Variants in CSMD3 observed in about 807,000 individuals in gnomAD.
CSMD3 encodes the protein CUB and sushi domain-containing protein 3.
Under a neutral mutation model 435.2 loss-of-function variants are expected in CSMD3, and 177 were observed. The observed-to-expected ratio is 0.41, with a 90% CI of 0.36 to 0.46. The LOEUF (loss-of-function observed/expected upper bound fraction) is 0.46, where lower values mean the gene tolerates loss of function less well. Among genes scored for constraint, CSMD3 ranks in the 20% least tolerant of loss-of-function variants. CSMD3 has a pLI of 0.34. For synonymous variants in CSMD3, 1,656 were observed against 1,520.5 expected (o/e 1.09, Z -2.07); for missense variants, 4,265 against 4,504.6 (o/e 0.95, Z 1.52).
At position 112,410,624 on chromosome 8, in the gene CSMD3, ATGTG is replaced by A. The variant is rs1554670652; in HGVS notation, c.5396-1596_5396-1593del. On this transcript the variant is annotated intron_variant, in intron 32 of 70. Coordinates refer to ENST00000297405, the MANE Select transcript of CSMD3 (RefSeq NM_198123.2). Reference sequence around the variant, plus strand: ...TATGTGTATATATATATGTATATATATGTGTATATATATGTATATATATATGTGT... The same window carrying A: ...TATGTGTATATATATATGTATATATATATATATATGTATATATATATGTGT... Among the ~76,000 whole-genome samples the A allele has an allele frequency of 1.4e-3, 49 of 34,074 alleles. 1 individual carries two copies. The highest frequency in any genetic ancestry group is 5.7e-3 in the East Asian group (4 of 700). The allele number at this position is 34,074 out of a possible 152,430, so 22.4% of individuals were successfully genotyped here. A position where few individuals can be genotyped will look rare whatever the true frequency, so the allele number is the denominator to read the frequency against.
intron 13 of CSMD3, among the ~76,000 whole-genome samples, chr8:112,776,255 C>A (rs933941276): frequency 1.3e-5 from 2 of 151,738 alleles, no homozygotes; most frequent in African/African-American, 4.8e-5. Context: ...AAATAAGGTT[C>A]TTACCCAATG....
intron 4 of CSMD3, among the ~76,000 whole-genome samples, chr8:113,173,052 C>T (rs1375125596): frequency 6.6e-6 from 1 of 152,074 alleles, no homozygotes; most frequent in Admixed American, 6.6e-5. Context: ...TCCATGCTGT[C>T]GTCTATCAGA....
chr8:112,535,888 C>G (rs886877202), intron 27 of CSMD3, among the ~76,000 whole-genome samples: 3 of 152,114 alleles, frequency 2.0e-5, no homozygotes, highest in African/African-American at 7.2e-5. Flanking sequence ...ACTATCTGAT[C>G]TTTGACAAAC....
intron 27 of CSMD3, chr8:112,538,815 T>C (rs901592652): frequency 6.6e-5 from 10 of 152,202 alleles, no homozygotes; most frequent in African/African-American, 1.9e-4. Flanking sequence ...AAAGTACCAA[T>C]GCCATTTTCT....
At chr8:112,268,213 GATAA>G (rs1817136959) in intron 59 of CSMD3, among the ~76,000 whole-genome samples, 1 of 152,054 alleles carries the variant, frequency 6.6e-6, no homozygotes, top group African/African-American at 2.4e-5. Context: ...TTGTTTGAAG[GATAA>G]ATAAATGAAT....
intron 10 of CSMD3, among the ~76,000 whole-genome samples, chr8:112,898,254 T>A (rs2082007294): frequency 6.6e-6 from 1 of 151,186 alleles, no homozygotes; most frequent in South Asian, 2.1e-4. Context: ...TTTCAAAGAA[T>A]GTCCTTCTTA....
At chr8:113,227,393 T>A (rs1409315323) in intron 3 of CSMD3, among the ~76,000 whole-genome samples, 4 of 151,540 alleles carry the variant, frequency 2.6e-5, no homozygotes, top group Non-Finnish European at 4.4e-5. Context: ...TCAAAAGAAA[T>A]TAAGATATTG....
intron 6 of CSMD3, among the ~76,000 whole-genome samples, chr8:112,996,614 A>T (rs890407786): frequency 2.6e-5 from 4 of 151,664 alleles, no homozygotes; most frequent in African/African-American, 9.7e-5. Context: ...TATCACTTAG[A>T]TATTTTGAAG....
At chr8:112,835,731 G>A (rs2080004291) in intron 11 of CSMD3, among the ~76,000 whole-genome samples, 1 of 151,906 alleles carries the variant, frequency 6.6e-6, no homozygotes, top group Non-Finnish European at 1.5e-5. Flanking sequence ...AACAGTGGTT[G>A]TAATATGTAG....
At chr8:112,312,668 A>C (rs530858899) in intron 49 of CSMD3, among the ~76,000 whole-genome samples, 2 of 152,228 alleles carry the variant, frequency 1.3e-5, no homozygotes, top group African/African-American at 2.4e-5. Context: ...GCTGTCAGTC[A>C]CAAGTTATTC....
In CSMD3 at chr8:113,017,924, A is replaced by G. The variant is rs372911666; in HGVS notation, c.1030+1143T>C. Reference sequence around the variant, plus strand: ...AACTCTAAAGATTTAGTGTTTTGTGATGGCTAATATTTTCTATTATGATAC... The same window carrying G: ...AACTCTAAAGATTTAGTGTTTTGTGGTGGCTAATATTTTCTATTATGATAC... On this transcript the variant is annotated intron_variant, in intron 6 of 70. Transcript: ENST00000297405. Among the ~76,000 whole-genome samples, 25 of 152,164 alleles carry G rather than the reference A, an allele frequency of 1.6e-4. No individual in the cohort carries two copies. In the East Asian group the frequency reaches 4.8e-3, roughly 29 times the overall value.
chr8:112,700,454 T>C (rs2076365241), intron 13 of CSMD3, among the ~76,000 whole-genome samples: 1 of 152,126 alleles, frequency 6.6e-6, no homozygotes, highest in African/African-American at 2.4e-5. Context: ...TGAGGAGAGA[T>C]TGTGCCACTG....
intron 23 of CSMD3, among the ~76,000 whole-genome samples, chr8:112,584,423 TAGAA>T (rs1830561586): frequency 6.6e-6 from 1 of 151,666 alleles, no homozygotes; most frequent in African/African-American, 2.4e-5. Flanking sequence ...AAGTTGTTTA[TAGAA>T]AGAAAGGAGG....
intron 13 of CSMD3, among the ~76,000 whole-genome samples, chr8:112,780,329 A>G (rs961860058): frequency 2.0e-5 from 3 of 152,054 alleles, no homozygotes; most frequent in African/African-American, 7.2e-5. Flanking sequence ...TTGAGTCTCA[A>G]TTTCCTTATC....
At chr8:113,413,504 A>C (rs2094568601) in intron 1 of CSMD3, among the ~76,000 whole-genome samples, 1 of 152,188 alleles carries the variant, frequency 6.6e-6, no homozygotes, top group African/African-American at 2.4e-5. Flanking sequence ...ACTTTGTTCC[A>C]GATCTAATGG....
At chr8:113,039,072 T>A (rs1360345771) in intron 5 of CSMD3, among the ~76,000 whole-genome samples, 2 of 152,148 alleles carry the variant, frequency 1.3e-5, no homozygotes, top group African/African-American at 4.8e-5. Flanking sequence ...TAGTGTTCTA[T>A]GAAATCCTTT....
chr8:112,366,898 G>A (rs1397664574), intron 38 of CSMD3, among the ~76,000 whole-genome samples: 2 of 152,144 alleles, frequency 1.3e-5, no homozygotes, highest in East Asian at 3.9e-4. Context: ...TCTTGAACTT[G>A]ATAGAGCTTT....
At chr8:112,268,286 T>C (rs897735857) in intron 59 of CSMD3, among the ~76,000 whole-genome samples, 4 of 152,318 alleles carry the variant, frequency 2.6e-5, no homozygotes, top group African/African-American at 9.6e-5. Flanking sequence ...CATAAATTAT[T>C]TGAAAGGTCT....
intron 3 of CSMD3, among the ~76,000 whole-genome samples, chr8:113,270,533 T>C (rs2093514597): frequency 6.6e-6 from 1 of 152,192 alleles, no homozygotes; most frequent in Non-Finnish European, 1.5e-5. Context: ...CACGTATGTT[T>C]ATTGTGGCAC....
Sources: gnomAD v4.1 joint callset for allele counts (sites outside exome capture counted in the v4.1 genomes callset) on GRCh38, gnomAD v4.1.1 for gene constraint, MANE v1.5 for transcripts, NCBI Gene and HGNC (gene_info 2026-07-23, HGNC 2026-07-21) for gene names.